The following DCC variants were observed in gnomAD, a reference collection of about 807,000 sequenced individuals.
DCC encodes netrin receptor DCC.
Under a neutral mutation model 172.5 loss-of-function variants are expected in DCC, and 58 were observed. The ratio of observed to expected loss-of-function variants is 0.34; its 90% CI spans 0.27 to 0.42. DCC has a LOEUF of 0.42. DCC is among the 10% of genes least tolerant of loss of function. The pLI, the probability that DCC is intolerant of heterozygous loss-of-function variation, is 1.00. For missense variants in DCC, 1,740 were observed against 1,791.0 expected (o/e 0.97, Z 0.51); for synonymous variants, 709 against 644.5 (o/e 1.10, Z -1.52).
intron 9 of DCC, among the ~76,000 whole-genome samples, chr18:53,198,968 C>G (rs2055492918): frequency 6.6e-6 from 1 of 152,076 alleles, no homozygotes; most frequent in Non-Finnish European, 1.5e-5. Flanking sequence ...GCAGTTAAGC[C>G]CATTAAGTTC....
intron 1 of DCC, among the ~76,000 whole-genome samples, chr18:52,746,916 A>G (rs893472935): frequency 6.6e-6 from 1 of 151,886 alleles, no homozygotes; most frequent in Non-Finnish European, 1.5e-5. Flanking sequence ...TTACAGAAAA[A>G]AAAAAAAAGG....
chr18:52,808,196 A>G (rs943668142), intron 2 of DCC, among the ~76,000 whole-genome samples: 40 of 152,196 alleles, frequency 2.6e-4, no homozygotes, highest in African/African-American at 9.7e-4. Flanking sequence ...TTTAGGCACT[A>G]TCTACCTGAA....
intron 2 of DCC, among the ~76,000 whole-genome samples, chr18:52,784,192 G>A (rs901747075): frequency 6.6e-6 from 1 of 151,864 alleles, no homozygotes; most frequent in Non-Finnish European, 1.5e-5. Context: ...CTGTTTCTGT[G>A]CCTGCCTTAT....
Position 52,897,799 on chromosome 18 carries a change from C to T in DCC, c.413-8245C>T, listed in dbSNP as rs182433989. Among the ~76,000 whole-genome samples, 91 of 152,214 alleles carry T rather than the reference C, an allele frequency of 6.0e-4. No individual in the cohort carries two copies. In the Middle Eastern group the frequency reaches 0.01, roughly 17 times the overall value. ...CACCATAGAGCAATTGCTCTTCAGC[C>T]AACCACCTGGGAGTCTGTAATTTTG... On this transcript the variant is annotated intron_variant, in intron 2 of 28. Coordinates refer to ENST00000442544, the MANE Select transcript of DCC (RefSeq NM_005215.4).
chr18:52,692,802 T>C (rs566504167), intron 1 of DCC, among the ~76,000 whole-genome samples: 17 of 152,252 alleles, frequency 1.1e-4, no homozygotes, highest in African/African-American at 4.1e-4. Flanking sequence ...CCTATAGTTA[T>C]ACCATTTATT....
At chr18:53,380,670 A>G (rs1410442298) in intron 15 of DCC, among the ~76,000 whole-genome samples, 1 of 152,192 alleles carries the variant, frequency 6.6e-6, no homozygotes, top group African/African-American at 2.4e-5. Context: ...AGTCTTCCCA[A>G]GCCTTTATTA....
At chr18:53,488,023 A>G (rs955073792) in intron 26 of DCC, among the ~76,000 whole-genome samples, 7 of 152,348 alleles carry the variant, frequency 4.6e-5, no homozygotes, top group Non-Finnish European at 8.8e-5. Context: ...AACAAAAAAA[A>G]AGACAAGTTT....
At chr18:52,441,900 G>C (rs1037592511) in intron 1 of DCC, among the ~76,000 whole-genome samples, 1 of 152,096 alleles carries the variant, frequency 6.6e-6, no homozygotes, top group African/African-American at 2.4e-5. Context: ...GATGATACAG[G>C]CTTCATCAGA....
chr18:53,369,291 G>T (rs1477575346), intron 15 of DCC, among the ~76,000 whole-genome samples: 1 of 151,798 alleles, frequency 6.6e-6, no homozygotes, highest in African/African-American at 2.4e-5. Context: ...CTAAATTCGT[G>T]TATTTGCTCT....
chr18:52,560,943 AT>A (rs1336984841), intron 1 of DCC, among the ~76,000 whole-genome samples: 1 of 152,120 alleles, frequency 6.6e-6, no homozygotes, highest in African/African-American at 2.4e-5. Context: ...TTCTGTATCA[AT>A]TTTTCCTTAC....
intron 2 of DCC, among the ~76,000 whole-genome samples, chr18:52,828,343 T>C (rs2038550448): frequency 6.6e-6 from 1 of 152,152 alleles, no homozygotes. Flanking sequence ...AGGTTCTGAT[T>C]GTATCATCCA....
chr18:52,421,975 C>T (rs1300667215), intron 1 of DCC, among the ~76,000 whole-genome samples: 1 of 152,152 alleles, frequency 6.6e-6, no homozygotes, highest in African/African-American at 2.4e-5. Flanking sequence ...CGTTTCAGAC[C>T]TTTCTGAAGT....
chr18:52,981,994 A>G (rs1050284729), intron 5 of DCC, among the ~76,000 whole-genome samples: 9 of 152,122 alleles, frequency 5.9e-5, no homozygotes, highest in Non-Finnish European at 1.0e-4. Flanking sequence ...TAGAGATGGG[A>G]AATTTTATTT....
intron 12 of DCC, among the ~76,000 whole-genome samples, chr18:53,256,778 A>G (rs928710567): frequency 6.6e-6 from 1 of 152,208 alleles, no homozygotes; most frequent in Non-Finnish European, 1.5e-5. Flanking sequence ...TGGAGATGGC[A>G]TTGAATCTAT....
At chr18:52,402,138 T>C (rs566595102) in intron 1 of DCC, among the ~76,000 whole-genome samples, 77 of 152,122 alleles carry the variant, frequency 5.1e-4, no homozygotes, top group Non-Finnish European at 9.4e-4. Context: ...GAAATCCTTT[T>C]AGTTTTGAAG....
chr18:53,209,520 G>A (rs117327692), intron 11 of DCC, among the ~76,000 whole-genome samples: 1,778 of 152,178 alleles, frequency 0.012, 28 homozygotes, highest in Non-Finnish European at 0.018. Flanking sequence ...AAGTACCTGG[G>A]TGTACATTTC....
At chr18:53,512,678 A>G (rs2046272276) in intron 27 of DCC, among the ~76,000 whole-genome samples, 1 of 152,016 alleles carries the variant, frequency 6.6e-6, no homozygotes, top group South Asian at 2.1e-4. Flanking sequence ...AAGCCTCAGG[A>G]GCCGATGCAA....
At chr18:52,648,991 A>T (rs964439666) in intron 1 of DCC, among the ~76,000 whole-genome samples, 1 of 152,176 alleles carries the variant, frequency 6.6e-6, no homozygotes, top group African/African-American at 2.4e-5. Context: ...CATGCAGAAA[A>T]ATGCACATTT....
In DCC at chr18:53,305,566, ATTAT is replaced by A; in HGVS notation, c.1912-9_1912-6del. ...TTCTTCAATGTTTTAATTTACACCT[ATTAT>A]TTTACAGAGTATCAAAGTTAGCTGG... On this transcript the variant is annotated splice_polypyrimidine_tract_variant and splice_region_variant and intron_variant, in intron 12 of 28. Transcript: ENST00000442544. 6.2e-7 allele frequency: 1 copy of A among 1,604,086 alleles called. No homozygotes were observed. Among genetic ancestry groups the A allele is most frequent in the South Asian group, 1.1e-5 (1 of 90,884 alleles).
Sources: gnomAD v4.1 joint callset for allele counts (sites outside exome capture counted in the v4.1 genomes callset) on GRCh38, gnomAD v4.1.1 for gene constraint, MANE v1.5 for transcripts, NCBI Gene and HGNC (gene_info 2026-07-23, HGNC 2026-07-21) for gene names.